Variants in IGF2BP2 observed in about 807,000 individuals in gnomAD.
The protein encoded by IGF2BP2 is insulin-like growth factor 2 mRNA-binding protein 2.
Under a neutral mutation model 75.8 loss-of-function variants are expected in IGF2BP2, and 17 were observed. That is an observed-to-expected ratio of 0.22 (90% CI 0.15 to 0.34). The LOEUF (loss-of-function observed/expected upper bound fraction) is 0.34, where lower values mean the gene tolerates loss of function less well. Ranked by LOEUF, IGF2BP2 falls within the 10% of genes least tolerant of loss-of-function variation. The pLI, the probability that IGF2BP2 is intolerant of heterozygous loss-of-function variation, is 1.00. For synonymous variants in IGF2BP2, 288 were observed against 295.6 expected (o/e 0.97, Z 0.26); for missense variants, 516 against 772.4 (o/e 0.67, Z 3.93).
intron 2 of IGF2BP2, among the ~76,000 whole-genome samples, chr3:185,811,102 G>C (rs1190176753): frequency 6.6e-6 from 1 of 151,944 alleles, no homozygotes; most frequent in Non-Finnish European, 1.5e-5. Context: ...CAGATGGTTT[G>C]ATATAACAGA....
rs189848227 is a variant in IGF2BP2, at chr3:185,774,265, C to T, written c.239+48888G>A. ...ACTTTCACCAGGTTTCAGATGTCTG[C>T]TTGTTTTCCTCTACTACTGCTAAAT... On this transcript the variant is annotated intron_variant, in intron 2 of 15. Transcript: ENST00000382199. 1.0e-3 allele frequency among the ~76,000 whole-genome samples: 154 copies of T among 152,262 alleles called. 1 individual carries two copies. Among genetic ancestry groups the T allele is most frequent in the African/African-American group, 3.1e-3 (129 of 41,544 alleles).
intron 2 of IGF2BP2, among the ~76,000 whole-genome samples, chr3:185,734,745 T>C (rs190696490): frequency 1.3e-5 from 2 of 152,256 alleles, no homozygotes; most frequent in Admixed American, 6.5e-5. Flanking sequence ...ACAGATCTTA[T>C]GAGACTCAGG....
chr3:185,737,249 C>T (rs936939233), intron 2 of IGF2BP2, among the ~76,000 whole-genome samples: 2 of 152,178 alleles, frequency 1.3e-5, no homozygotes, highest in African/African-American at 4.8e-5. Flanking sequence ...GTTGGCTCCT[C>T]TTTAAATTCC....
intron 2 of IGF2BP2, among the ~76,000 whole-genome samples, chr3:185,715,631 CT>C (rs560559281): frequency 1.3e-5 from 2 of 151,830 alleles, no homozygotes; most frequent in Admixed American, 6.6e-5. Flanking sequence ...TACGTCATTT[CT>C]TTTTTTCTTT....
At chr3:185,749,950 A>G (rs893377762) in intron 2 of IGF2BP2, among the ~76,000 whole-genome samples, 7 of 152,244 alleles carry the variant, frequency 4.6e-5, no homozygotes, top group African/African-American at 1.7e-4. Flanking sequence ...TTTATCACCC[A>G]CGCGGACTTA....
intron 10 of IGF2BP2, among the ~76,000 whole-genome samples, chr3:185,661,791 T>C (rs1016437743): frequency 1.3e-5 from 2 of 152,036 alleles, no homozygotes; most frequent in African/African-American, 4.8e-5. Flanking sequence ...AAAAGAGAAC[T>C]TCAAGTACTG....
At chr3:185,747,087 T>A (rs1730342538) in intron 2 of IGF2BP2, among the ~76,000 whole-genome samples, 1 of 152,232 alleles carries the variant, frequency 6.6e-6, no homozygotes, top group African/African-American at 2.4e-5. Flanking sequence ...CACTAGGAGC[T>A]GAGGATAATT....
intron 10 of IGF2BP2, among the ~76,000 whole-genome samples, chr3:185,660,880 A>G (rs1029073437): frequency 6.6e-6 from 1 of 152,220 alleles, no homozygotes; most frequent in Non-Finnish European, 1.5e-5. Context: ...CATGGCAGAA[A>G]TAATTCCTTT....
intron 2 of IGF2BP2, among the ~76,000 whole-genome samples, chr3:185,816,047 C>A (rs768292552): frequency 6.6e-6 from 1 of 152,086 alleles, no homozygotes. Context: ...CAGTTCCTAC[C>A]AGGGAAACAC....
intron 2 of IGF2BP2, among the ~76,000 whole-genome samples, chr3:185,790,464 C>A (rs559176249): frequency 1.3e-5 from 2 of 152,154 alleles, no homozygotes; most frequent in African/African-American, 4.8e-5. Context: ...AAACAGCCCA[C>A]GTAAATTATA....
In IGF2BP2 at chr3:185,804,706, T is replaced by C. The variant is rs553742089; in HGVS notation, c.239+18447A>G. Among the ~76,000 whole-genome samples, 345 of 152,106 alleles carry C rather than the reference T, an allele frequency of 2.3e-3. 1 individual carries two copies. Among genetic ancestry groups the C allele is most frequent in the African/African-American group, 8.0e-3 (331 of 41,496 alleles). On this transcript the variant is annotated intron_variant, in intron 2 of 15. Coordinates refer to ENST00000382199, the MANE Select transcript of IGF2BP2 (RefSeq NM_006548.6). ...GCCTCAATGTATTTAATTACAATCA[T>C]AGGCCAGGCACGGTGGCTCACGCCT... is the stretch of plus-strand genomic sequence containing the variant.
chr3:185,779,925 A>G (rs1404521080), intron 2 of IGF2BP2, among the ~76,000 whole-genome samples: 1 of 152,236 alleles, frequency 6.6e-6, no homozygotes, highest in African/African-American at 2.4e-5. Flanking sequence ...ATACTTGTAT[A>G]TAAGCGTAAA....
intron 2 of IGF2BP2, among the ~76,000 whole-genome samples, chr3:185,748,293 C>T (rs1272943343): frequency 6.6e-6 from 1 of 152,154 alleles, no homozygotes; most frequent in Non-Finnish European, 1.5e-5. Context: ...ATAATGGATA[C>T]ACTACTAGGT....
intron 7 of IGF2BP2, among the ~76,000 whole-genome samples, chr3:185,683,357 A>G (rs1720663001): frequency 6.6e-6 from 1 of 152,242 alleles, no homozygotes; most frequent in African/African-American, 2.4e-5. Flanking sequence ...TCTGTTTCAC[A>G]GCAATGTGAA....
At chr3:185,749,250 TG>T (rs1730653768) in intron 2 of IGF2BP2, among the ~76,000 whole-genome samples, 1 of 152,222 alleles carries the variant, frequency 6.6e-6, no homozygotes, top group Non-Finnish European at 1.5e-5. Context: ...CACATATACA[TG>T]TCAAGGCTCT....
Position 185,677,044 on chromosome 3 carries a change from G to GATATATATTTATATATATATATATAT in IGF2BP2, c.813-1132_813-1131insATATATATATATATATAAATATATAT, listed in dbSNP as rs1199843330. Among the ~76,000 whole-genome samples, 4 of 23,868 alleles carry GATATATATTTATATATATATATATAT rather than the reference G, an allele frequency of 1.7e-4. No individual in the cohort carries two copies. In the East Asian group the frequency reaches 7.1e-3, roughly 42 times the overall value. The allele number at this position is 23,868 out of a possible 152,430, so 15.7% of individuals were successfully genotyped here. On this transcript the variant is annotated intron_variant, in intron 7 of 15. Coordinates refer to ENST00000382199, the MANE Select transcript of IGF2BP2 (RefSeq NM_006548.6). ...GGAGAGAGATATATATATATATGGAGATATATATATATATATATATATATA... is the reference window on the plus strand; with the variant it reads ...GGAGAGAGATATATATATATATGGAGATATATATTTATATATATATATATATATATATATATATATATATATATATA...
intron 2 of IGF2BP2, chr3:185,713,297 T>C: frequency 2.5e-6 from 1 of 400,314 alleles, no homozygotes; most frequent in South Asian, 1.8e-5. Flanking sequence ...CACTTGTTAT[T>C]GCGACTTTGA....
chr3:185,657,007 CCTTT>C (rs1292198945), intron 12 of IGF2BP2, among the ~76,000 whole-genome samples: 21 of 152,214 alleles, frequency 1.4e-4, no homozygotes, highest in African/African-American at 5.1e-4. Flanking sequence ...AAATCCTCAA[CCTTT>C]CTTTATCTTC....
chr3:185,689,691 G>A (rs566316635), intron 5 of IGF2BP2, 64 bp from the exon 6 acceptor site: 163 of 1,600,144 alleles, frequency 1.0e-4, no homozygotes, highest in East Asian at 3.6e-4. Context: ...CCTCCCGGCC[G>A]GGCGCGGTGG....
Sources: gnomAD v4.1 joint callset for allele counts (sites outside exome capture counted in the v4.1 genomes callset) on GRCh38, gnomAD v4.1.1 for gene constraint, MANE v1.5 for transcripts, NCBI Gene and HGNC (gene_info 2026-07-23, HGNC 2026-07-21) for gene names.